The following TAFA4 variants were observed in gnomAD, a reference collection of about 807,000 sequenced individuals.
The protein encoded by TAFA4 is chemokine-like protein TAFA-4.
In TAFA4, 20 loss-of-function variants were observed where a neutral mutation model predicts 21.1. The observed-to-expected ratio is 0.95, with a 90% CI of 0.67 to 1.38. The LOEUF (loss-of-function observed/expected upper bound fraction) is 1.38, where lower values mean the gene tolerates loss of function less well. Among genes scored for constraint, TAFA4 ranks in the 40% most tolerant of loss-of-function variants. The pLI, the probability that TAFA4 is intolerant of heterozygous loss-of-function variation, is 0.00. For missense variants in TAFA4, 211 were observed against 180.9 expected (o/e 1.17, Z -0.95); for synonymous variants, 71 against 67.4 (o/e 1.05, Z -0.26).
intron 3 of TAFA4, among the ~76,000 whole-genome samples, chr3:68,851,185 C>G (rs993200074): frequency 6.6e-6 from 1 of 152,102 alleles, no homozygotes; most frequent in African/African-American, 2.4e-5. Flanking sequence ...AGATCATGTC[C>G]TTTACAGGGA....
In TAFA4 at chr3:68,839,331, A is replaced by T. The variant is rs150900526; in HGVS notation, c.130+41399T>A. Among the ~76,000 whole-genome samples, 179 of 152,340 alleles carry T rather than the reference A, an allele frequency of 1.2e-3. 1 individual carries two copies. Among genetic ancestry groups the T allele is most frequent in the Admixed American group, 2.5e-3 (39 of 15,298 alleles). The stretch of plus-strand genomic sequence containing the variant: ...GTGAGTAAACGAGCACTCTGGTTTC[A>T]GATACAGCAAGACTTTCTCAAGTTA... On this transcript the variant is annotated intron_variant, in intron 3 of 5. Transcript: ENST00000295569.
At chr3:68,836,105 A>G (rs1459535442) in intron 3 of TAFA4, among the ~76,000 whole-genome samples, 1 of 152,236 alleles carries the variant, frequency 6.6e-6, no homozygotes, top group Non-Finnish European at 1.5e-5. Flanking sequence ...TACAGAGAAG[A>G]AAGAAGAAGG....
In TAFA4 at chr3:68,807,489, A is replaced by G. The variant is rs1438386634; in HGVS notation, c.131-54471T>C. Among the ~76,000 whole-genome samples the G allele has an allele frequency of 2.6e-5, 4 of 152,202 alleles. No individual in the cohort carries two copies. In the East Asian group the frequency reaches 7.7e-4, roughly 29 times the overall value. The stretch of plus-strand genomic sequence containing the variant: ...GCTTGTCACAAGAATTGGGTAGACA[A>G]TGACATTTGATATCTTACAATGCTC... On this transcript the variant is annotated intron_variant, in intron 3 of 5. Coordinates refer to ENST00000295569, the MANE Select transcript of TAFA4 (RefSeq NM_182522.5).
At chr3:68,899,772 A>G (rs1162789958) in intron 1 of TAFA4, among the ~76,000 whole-genome samples, 1 of 152,160 alleles carries the variant, frequency 6.6e-6, no homozygotes, top group Non-Finnish European at 1.5e-5. Flanking sequence ...ACAAGAGACT[A>G]GGGAGAATGA....
chr3:68,798,369 C>A (rs1264958302), intron 3 of TAFA4, among the ~76,000 whole-genome samples: 1 of 152,122 alleles, frequency 6.6e-6, no homozygotes, highest in Admixed American at 6.5e-5. Flanking sequence ...CTCTCTTCAA[C>A]AAAATTATGA....
chr3:68,894,649 G>A (rs904174328), intron 1 of TAFA4, among the ~76,000 whole-genome samples: 3 of 152,104 alleles, frequency 2.0e-5, no homozygotes, highest in African/African-American at 2.4e-5. Context: ...AACACACAAG[G>A]AGCAGCCAAC....
chr3:68,879,953 A>T (rs1464209930), intron 3 of TAFA4, among the ~76,000 whole-genome samples: 2 of 152,170 alleles, frequency 1.3e-5, no homozygotes, highest in Non-Finnish European at 2.9e-5. Context: ...AAATTAATTG[A>T]CAACAAGTCC....
At chr3:68,887,334 G>A (rs1203688798) in intron 1 of TAFA4, among the ~76,000 whole-genome samples, 1 of 152,166 alleles carries the variant, frequency 6.6e-6, no homozygotes. Context: ...AATGCCACGG[G>A]CAGCCCTGCC....
intron 3 of TAFA4, among the ~76,000 whole-genome samples, chr3:68,874,090 GA>G (rs371525016): frequency 2.6e-5 from 4 of 152,002 alleles, no homozygotes; most frequent in African/African-American, 9.7e-5. Context: ...CAACAGCTAA[GA>G]AAAAAACAGA....
chr3:68,883,787 G>T (rs1469603563), intron 2 of TAFA4, among the ~76,000 whole-genome samples: 1 of 151,978 alleles, frequency 6.6e-6, no homozygotes, highest in Non-Finnish European at 1.5e-5. Flanking sequence ...AAATGATCTG[G>T]CCATGCATGG....
chr3:68,901,960 C>T (rs2089847383), intron 1 of TAFA4, among the ~76,000 whole-genome samples: 2 of 152,174 alleles, frequency 1.3e-5, no homozygotes, highest in South Asian at 2.1e-4. Flanking sequence ...TCAAATGAGG[C>T]ATGGTATAGT....
In TAFA4 at chr3:68,775,917, A is replaced by C. The variant is rs115886801; in HGVS notation, c.131-22899T>G. On this transcript the variant is annotated intron_variant, in intron 3 of 5. Coordinates refer to ENST00000295569, the MANE Select transcript of TAFA4 (RefSeq NM_182522.5). Reference sequence around the variant, plus strand: ...CAATAAAAAATGATGAGATTCACACAAGAAAGCAAGAAAAAATGACCCAGA... The same window carrying C: ...CAATAAAAAATGATGAGATTCACACCAGAAAGCAAGAAAAAATGACCCAGA... Among the ~76,000 whole-genome samples, 699 of 152,306 alleles carry C rather than the reference A, an allele frequency of 4.6e-3. 6 individuals are homozygous for C. Among genetic ancestry groups the C allele is most frequent in the African/African-American group, 0.016 (659 of 41,558 alleles).
chr3:68,839,357 CATT>C (rs1704599839), intron 3 of TAFA4, among the ~76,000 whole-genome samples: 1 of 152,166 alleles, frequency 6.6e-6, no homozygotes, highest in African/African-American at 2.4e-5. Context: ...TCTCAAGTTA[CATT>C]ATTATATGGG....
At chr3:68,808,779 A>C (rs1703763309) in intron 3 of TAFA4, among the ~76,000 whole-genome samples, 1 of 152,224 alleles carries the variant, frequency 6.6e-6, no homozygotes, top group East Asian at 1.9e-4. Flanking sequence ...AAAAAAGCCC[A>C]AAATATCAAT....
intron 3 of TAFA4, among the ~76,000 whole-genome samples, chr3:68,853,330 C>T (rs755358652): frequency 2.0e-5 from 3 of 152,010 alleles, no homozygotes; most frequent in Non-Finnish European, 2.9e-5. Context: ...AGTGTGACTC[C>T]GTAATATCTA....
intron 1 of TAFA4, among the ~76,000 whole-genome samples, chr3:68,893,812 CTT>C (rs1311114285): frequency 6.6e-6 from 1 of 152,206 alleles, no homozygotes; most frequent in Non-Finnish European, 1.5e-5. Flanking sequence ...TTAAAATCAT[CTT>C]TTGTTTGACA....
intron 3 of TAFA4, among the ~76,000 whole-genome samples, chr3:68,829,148 A>ACAAGGCTACT (rs1197504289): frequency 1.3e-5 from 2 of 152,216 alleles, no homozygotes; most frequent in African/African-American, 4.8e-5. Flanking sequence ...ACTTCAAACT[A>ACAAGGCTACT]TACTACAAGG....
chr3:68,736,658 C>T (rs529184240), intron 5 of TAFA4, among the ~76,000 whole-genome samples: 4 of 152,178 alleles, frequency 2.6e-5, no homozygotes, highest in East Asian at 3.9e-4. Context: ...CTCTGCTTTT[C>T]TAGGACCTCT....
intron 2 of TAFA4, among the ~76,000 whole-genome samples, chr3:68,881,091 G>C (rs75705425): frequency 2.3e-3 from 343 of 152,326 alleles, no homozygotes; most frequent in African/African-American, 7.4e-3. Flanking sequence ...GCTTATTTAT[G>C]AATCTGCAAG....
Sources: allele counts gnomAD v4.1 joint callset (sites outside exome capture counted in the v4.1 genomes callset), GRCh38; gene constraint gnomAD v4.1.1; transcripts MANE v1.5; gene names NCBI Gene and HGNC (gene_info 2026-07-23, HGNC 2026-07-21).